PC: variants seen among roughly 807,000 people sequenced by gnomAD.
The protein encoded by PC is pyruvate carboxylase, mitochondrial.
A neutral mutation model predicts 107.8 loss-of-function variants in PC; 46 were observed. The observed-to-expected ratio is 0.43, with a 90% CI of 0.34 to 0.55. PC has a LOEUF of 0.55. Ranked by LOEUF, PC falls within the 20% of genes least tolerant of loss-of-function variation. The pLI is 0.04. For missense variants in PC, 1,241 were observed against 1,643.1 expected, an observed-to-expected ratio of 0.76 and a Z score of 4.23; for synonymous variants, 662 against 684.7, an observed-to-expected ratio of 0.97 and a Z score of 0.52.
At chr11:66,949,479 T>G (rs367596326) in intron 3 of PC, among the ~76,000 whole-genome samples, 1 of 151,606 alleles carries the variant, frequency 6.6e-6, no homozygotes, top group African/African-American at 2.4e-5. Context: ...GCAGATCACT[T>G]GAGTCAGGAG....
chr11:66,861,527 G>A (rs1002729814), intron 12 of PC, among the ~76,000 whole-genome samples: 3 of 152,184 alleles, frequency 2.0e-5, no homozygotes, highest in African/African-American at 7.2e-5. Context: ...CCCAGCCCCA[G>A]AACATGCAGC....
At chr11:66,943,608 G>A (rs1019828253) in intron 3 of PC, among the ~76,000 whole-genome samples, 13 of 151,146 alleles carry the variant, frequency 8.6e-5, no homozygotes, top group African/African-American at 2.4e-4. Context: ...AAAATTTGCC[G>A]GGCGTGGTGG....
Position 66,858,167 on chromosome 11 carries a change from C to T in PC, c.1369-4784G>A, listed in dbSNP as rs1236499997. 3 of 1,610,750 alleles carry T rather than the reference C, an allele frequency of 1.9e-6. No individual in the cohort carries two copies. Among genetic ancestry groups the T allele is most frequent in the African/African-American group, 2.7e-5 (2 of 74,902 alleles). ...GCCGCATCGCGCCGGGAGCCTTCGA[C>T]GACTTCCTAGAGAGCCTGGAGGACC... On this transcript the variant is annotated intron_variant, in intron 12 of 22. Transcript: ENST00000393960. The surrounding 1 kb of genome is among the most constrained non-coding windows in gnomAD (Gnocchi z 5.9).
intron 3 of PC, among the ~76,000 whole-genome samples, chr11:66,884,828 G>A (rs1319153254): frequency 6.6e-6 from 1 of 152,206 alleles, no homozygotes; most frequent in African/African-American, 2.4e-5. Context: ...AGGGCTGCGA[G>A]GGGCGACAGA....
intron 3 of PC, among the ~76,000 whole-genome samples, chr11:66,897,780 G>A (rs183596336): frequency 1.3e-5 from 2 of 152,144 alleles, no homozygotes; most frequent in Admixed American, 1.3e-4. Flanking sequence ...AGCTCTACGG[G>A]GGCAGACATA....
chr11:66,852,234 C>T lies in PC; in HGVS notation c.1825+205G>A, dbSNP rs1945544379. Among the ~76,000 whole-genome samples the T allele has an allele frequency of 6.6e-6, 1 of 152,376 alleles. No homozygotes were observed. The highest frequency in any genetic ancestry group is 1.9e-4 in the East Asian group (1 of 5,190). Reference sequence around the variant, plus strand: ...CAGGTGTCTCCTCCTGACCCTGGACCTCCCAGGATGCACCTGGTCTCAGCT... The same window carrying T: ...CAGGTGTCTCCTCCTGACCCTGGACTTCCCAGGATGCACCTGGTCTCAGCT... On this transcript the variant is annotated intron_variant, in intron 15 of 22. Coordinates refer to ENST00000393960, the MANE Select transcript of PC (RefSeq NM_001040716.2). This position sits in a 1 kb window ranked among gnomAD's most constrained non-coding sequence, Gnocchi z 4.7.
intron 3 of PC, among the ~76,000 whole-genome samples, chr11:66,942,079 G>A (rs1348601756): frequency 3.2e-4 from 48 of 148,830 alleles, no homozygotes; most frequent in African/African-American, 1.0e-3. Context: ...TCCAGCCTGG[G>A]CAACAAGAGT....
Position 66,857,757 on chromosome 11 carries a change from C to G in PC, c.1369-4374G>C. ...CAGGGCGCTCACCATGGCCCCGCCG[C>G]TCCTGCTGCTGCTGCTGGCCAGTGG... is the stretch of plus-strand genomic sequence containing the variant. On this transcript the variant is annotated intron_variant, in intron 12 of 22. Transcript: ENST00000393960. The surrounding 1 kb of genome is among the most constrained non-coding windows in gnomAD (Gnocchi z 7.1). 6.3e-7 allele frequency: 1 copy of G among 1,593,766 alleles called. No homozygotes were observed. The highest frequency in any genetic ancestry group is 8.5e-7 in the Non-Finnish European group (1 of 1,176,632).
At chr11:66,907,003 A>G (rs1948186493) in intron 3 of PC, among the ~76,000 whole-genome samples, 1 of 152,228 alleles carries the variant, frequency 6.6e-6, no homozygotes, top group South Asian at 2.1e-4. Context: ...TCTGTTCTGT[A>G]ACTCCAGGGC....
chr11:66,875,871 G>A (rs1283494690), intron 3 of PC, among the ~76,000 whole-genome samples: 3 of 152,150 alleles, frequency 2.0e-5, no homozygotes, highest in African/African-American at 4.8e-5. Flanking sequence ...AGAGATGAAG[G>A]TTAATATCAC....
At position 66,871,645 on chromosome 11, in the gene PC, C is replaced by G. The variant is rs763197412; in HGVS notation, c.321+42G>C. 1.3e-6 allele frequency: 2 copies of G among 1,561,850 alleles called. No individual in the cohort carries two copies. Among genetic ancestry groups the G allele is most frequent in the African/African-American group, 2.7e-5 (2 of 73,602 alleles). On this transcript the variant is annotated intron_variant, in intron 5 of 22. Transcript: ENST00000393960. The surrounding 1 kb of genome is among the most constrained non-coding windows in gnomAD (Gnocchi z 7.4). ...AGACCCCCGCGGCAACTAAGACTCCCTGGTCCCTGCTGTCCAGGCCCAGCC... is the reference window on the plus strand; with the variant it reads ...AGACCCCCGCGGCAACTAAGACTCCGTGGTCCCTGCTGTCCAGGCCCAGCC...
intron 1 of PC, 145 bp from the exon 2 acceptor site, chr11:66,954,581 C>T (rs919305952): frequency 2.0e-5 from 3 of 152,258 alleles, no homozygotes; most frequent in African/African-American, 7.2e-5. Context: ...AGAAACGGGG[C>T]CCATTCAGAT....
intron 3 of PC, among the ~76,000 whole-genome samples, chr11:66,887,693 G>A (rs1947423290): frequency 6.6e-6 from 1 of 152,228 alleles, no homozygotes; most frequent in African/African-American, 2.4e-5. Flanking sequence ...GGGGAATCCT[G>A]CTGGAAAGTC....
At chr11:66,886,303 G>C (rs1430081180) in intron 3 of PC, among the ~76,000 whole-genome samples, 1 of 149,852 alleles carries the variant, frequency 6.7e-6, no homozygotes, top group African/African-American at 2.4e-5. Context: ...GGCCCGCTGA[G>C]GCAGGGAGTG....
In PC at chr11:66,858,207, A is replaced by G. The variant is rs763456514; in HGVS notation, c.1369-4824T>C. 1 of 1,612,488 alleles carries G rather than the reference A, an allele frequency of 6.2e-7. No homozygotes were observed. The highest frequency in any genetic ancestry group is 8.5e-7 in the Non-Finnish European group (1 of 1,179,862). On this transcript the variant is annotated intron_variant, in intron 12 of 22. Transcript: ENST00000393960. This position sits in a 1 kb window ranked among gnomAD's most constrained non-coding sequence, Gnocchi z 5.9. ...CCTGGAGGACCTGGACCTGTCCTAC[A>G]ACAACCTCCGGCAGGTGCCCTGGGC... is the stretch of plus-strand genomic sequence containing the variant.
At chr11:66,879,014 A>G (rs886955357) in intron 3 of PC, among the ~76,000 whole-genome samples, 9 of 152,172 alleles carry the variant, frequency 5.9e-5, no homozygotes, top group African/African-American at 2.2e-4. Flanking sequence ...GAGACAGTAC[A>G]GCTAAAGCGC....
At chr11:66,887,208 A>G (rs1412316766) in intron 3 of PC, among the ~76,000 whole-genome samples, 2 of 152,154 alleles carry the variant, frequency 1.3e-5, no homozygotes. Context: ...ACCAGGGGCC[A>G]CCAAGCTCCA....
chr11:66,926,360 T>C (rs1948713430), intron 3 of PC, among the ~76,000 whole-genome samples: 1 of 152,230 alleles, frequency 6.6e-6, no homozygotes, highest in Non-Finnish European at 1.5e-5. Flanking sequence ...TAAATATTTA[T>C]AGAGTACTTC....
chr11:66,892,719 C>T (rs1366899599), intron 3 of PC, among the ~76,000 whole-genome samples: 3 of 151,938 alleles, frequency 2.0e-5, no homozygotes, highest in East Asian at 1.9e-4. Context: ...CGGTGGCGGG[C>T]GCCTATAATC....
Sources: gnomAD v4.1 joint callset for allele counts (sites outside exome capture counted in the v4.1 genomes callset) on GRCh38, gnomAD v4.1.1 for gene constraint, Gnocchi (gnomAD v3.1) non-coding constraint, MANE v1.5 for transcripts, NCBI Gene and HGNC (gene_info 2026-07-23, HGNC 2026-07-21) for gene names.